DST: variants seen among roughly 807,000 people sequenced by gnomAD.
DST encodes bullous pemphigoid antigen.
Under a neutral mutation model 875.2 loss-of-function variants are expected in DST, and 253 were observed. The observed-to-expected ratio is 0.29, with a 90% confidence interval of 0.26 to 0.32. The LOEUF is 0.32. Among genes scored for constraint, DST ranks in the 10% least tolerant of loss-of-function variants. The pLI is 1.00. For synonymous variants in DST, 3,124 were observed against 3,197.1 expected, an observed-to-expected ratio of 0.98 and a Z score of 0.77; for missense variants, 8,287 against 9,111.6, an observed-to-expected ratio of 0.91 and a Z score of 3.68.
At chr6:56,492,186 TTTA>T (rs777032863) in intron 85 of DST, 38 bp downstream of exon 85, 9 of 1,541,242 alleles carry the variant, frequency 5.8e-6, no homozygotes, top group East Asian at 4.5e-5. Flanking sequence ...CAAGAAGTGG[TTTA>T]TTGACAAGTT....
intron 36 of DST, chr6:56,619,368 G>A: frequency 1.9e-6 from 3 of 1,613,464 alleles, no homozygotes; most frequent in Non-Finnish European, 2.5e-6. Flanking sequence ...TTGAGCCTTT[G>A]GATTTTATCA....
intron 13 of DST, 21 bp from the exon 14 acceptor site, chr6:56,646,203 A>T: frequency 2.3e-6 from 3 of 1,318,316 alleles, no homozygotes; most frequent in Non-Finnish European, 3.1e-6. Flanking sequence ...AAGGACAAGA[A>T]ATTAAGGACC....
At chr6:56,893,527 G>A (rs1302302127) in intron 3 of DST, among the ~76,000 whole-genome samples, 1 of 131,532 alleles carries the variant, frequency 7.6e-6, no homozygotes, top group East Asian at 2.2e-4. Flanking sequence ...CCAGTAGTGG[G>A]ATTGCTGGAT....
rs183052693 is a variant in DST, at chr6:56,536,834, C to T, written c.16715G>A (p.Gly5572Asp). The part of the protein sequence containing the change: ...QSAAKSTSTQ[G>D]LEHDLDDVNA... ...GACATCATCCAGGTCATGCTCCAAGCCCTGAGTGCTAGTGCTTTTGGCAGC... is the reference window on the plus strand; with the variant it reads ...GACATCATCCAGGTCATGCTCCAAGTCCTGAGTGCTAGTGCTTTTGGCAGC... Residue 5572 changes from glycine (G) to aspartate (D), a missense_variant, in exon 62 of 104, where the codon GGC becomes GAC. Around this residue, in one of 10 missense-constraint regions of DST, gnomAD observed 777 missense variants for 764.8 expected, o/e 1.02. Coordinates refer to ENST00000680361, the MANE Select transcript of DST (RefSeq NM_001374736.1). 2 of 1,611,760 alleles carry T rather than the reference C, an allele frequency of 1.2e-6. No homozygotes were observed. Among genetic ancestry groups the T allele is most frequent in the Admixed American group, 1.7e-5 (1 of 59,812 alleles).
chr6:56,608,546 G>A lies in DST; in HGVS notation c.6082C>T (p.Gln2028Ter). The A allele has an allele frequency of 6.2e-7, 1 of 1,613,466 alleles. No individual in the cohort carries two copies. The highest frequency in any genetic ancestry group is 2.2e-5 in the East Asian group (1 of 44,824). ...TGGATGATTCCACCAGTTTGAACCTGATATGTGAGGATACTGCTAGCAGTG... is the reference window on the plus strand; with the variant it reads ...TGGATGATTCCACCAGTTTGAACCTAATATGTGAGGATACTGCTAGCAGTG... Reference protein sequence around the residue: ...RDTASSILTYQVQTGGIIQSN... With the variant: ...RDTASSILTY The change falls in exon 40 of 104, where the codon CAG becomes TAG. Residue 2028 changes from glutamine (Q) to a stop codon, truncating the protein, a stop_gained. Coordinates refer to ENST00000680361, the MANE Select transcript of DST (RefSeq NM_001374736.1). LOFTEE classifies it high-confidence loss of function.
At chr6:56,541,049 C>T (rs965721215) in intron 61 of DST, 2 of 152,634 alleles carry the variant, frequency 1.3e-5, no homozygotes, top group African/African-American at 4.8e-5. Flanking sequence ...ATTAGTACCC[C>T]ATCTGCACTT....
At position 56,572,846 on chromosome 6, in the gene DST, G is replaced by A; in HGVS notation, c.13455C>T (p.Leu4485=). ...CTAAAAATGTCTGGAGCTTTTCTGA[G>A]AGGTTCTCAAACAGTTCTACTTTGG... The part of the protein sequence containing the change: ...LKTKVELFEN[L]SEKLQTFLET... Residue 4485 remains leucine, a synonymous_variant, in exon 52 of 104, where the codon CTC becomes CTT. Transcript: ENST00000680361. The A allele has an allele frequency of 1.2e-6, 2 of 1,612,772 alleles. No homozygotes were observed. Among genetic ancestry groups the A allele is most frequent in the Non-Finnish European group, 1.7e-6 (2 of 1,179,524 alleles).
chr6:56,801,574 T>A (rs1162063015), intron 4 of DST, among the ~76,000 whole-genome samples: 1 of 152,040 alleles, frequency 6.6e-6, no homozygotes, highest in Non-Finnish European at 1.5e-5. Context: ...CCGCCAAATA[T>A]GTAACTTCAT....
chr6:56,530,282 A>G, intron 64 of DST, 149 bp from the exon 65 acceptor site: 1 of 567,136 alleles, frequency 1.8e-6, no homozygotes, highest in Non-Finnish European at 2.7e-6. Flanking sequence ...TTTAAAGAAC[A>G]TATTAAAACA....
intron 4 of DST, among the ~76,000 whole-genome samples, chr6:56,827,343 G>A (rs149670052): frequency 0.017 from 2,574 of 151,848 alleles, 37 homozygotes; most frequent in Non-Finnish European, 0.028. Flanking sequence ...GTGAAACCCC[G>A]TCTCTACTAA....
chr6:56,515,360 T>C (rs2096568730), intron 72 of DST, 90 bp downstream of exon 72: 15 of 1,407,740 alleles, frequency 1.1e-5, no homozygotes, highest in Non-Finnish European at 1.5e-5. Context: ...GCCTTAATCA[T>C]GTAAGTGTTT....
chr6:56,735,177 A>G, intron 5 of DST, 51 bp downstream of exon 5: 1 of 1,255,934 alleles, frequency 8.0e-7, no homozygotes. Flanking sequence ...ACTGCAAAAT[A>G]AACTGAAATA....
chr6:56,867,148 C>G (rs763877558), intron 3 of DST, among the ~76,000 whole-genome samples: 2 of 152,192 alleles, frequency 1.3e-5, no homozygotes, highest in African/African-American at 2.4e-5. Flanking sequence ...TGCAGTCTGG[C>G]AGAGCTCTGT....
intron 6 of DST, 71 bp from the exon 7 acceptor site, chr6:56,703,817 T>C (rs1199959159): frequency 2.3e-6 from 1 of 432,414 alleles, no homozygotes; most frequent in African/African-American, 2.3e-5. Flanking sequence ...AAGAAGAGCA[T>C]GAACAGAACA....
At chr6:56,547,102 A>G (rs1005289766) in intron 61 of DST, among the ~76,000 whole-genome samples, 1 of 152,220 alleles carries the variant, frequency 6.6e-6, no homozygotes, top group Non-Finnish European at 1.5e-5. Flanking sequence ...AGCAAAACTG[A>G]AAAGAGAACA....
intron 2 of DST, among the ~76,000 whole-genome samples, chr6:56,935,602 C>A (rs532596539): frequency 6.2e-4 from 95 of 152,182 alleles, no homozygotes; most frequent in African/African-American, 2.0e-3. Context: ...ATTTTATGTA[C>A]AGAAGTTGGA....
rs138162782 is a variant in DST at position 56,639,273 on chromosome 6, G to A, written c.2950C>T (p.Arg984Trp). The change falls in exon 22 of 104, where the codon CGG (arginine) becomes TGG (tryptophan). Residue 984 changes from arginine (R) to tryptophan (W), a missense_variant. Arg to Trp is a moderately radical substitution (Grantham distance 101). This residue lies in a region of DST where 1,160 missense variants were observed against 1,424.3 expected (regional missense o/e 0.81). Coordinates refer to ENST00000680361, the MANE Select transcript of DST (RefSeq NM_001374736.1). Reference protein sequence around the residue: ...EQLLLENHPARLTIEAYRAAM... With the variant: ...EQLLLENHPAWLTIEAYRAAM... ...TCCAGCTTTACCTCAATAGTTAACC[G>A]GGCTGGATGATTTTCTAGAAGTAGC... 2.0e-4 allele frequency: 327 copies of A among 1,613,022 alleles called. No homozygotes were observed. Among genetic ancestry groups the A allele is most frequent in the Non-Finnish European group, 2.3e-4 (270 of 1,179,198 alleles).
intron 2 of DST, among the ~76,000 whole-genome samples, chr6:56,948,105 C>A (rs1820605268): frequency 6.6e-6 from 1 of 152,192 alleles, no homozygotes; most frequent in Non-Finnish European, 1.5e-5. Context: ...GTGGCCATAA[C>A]TTTTACAGTT....
intron 64 of DST, 26 bp downstream of exon 64, chr6:56,532,318 A>G (rs1456974354): frequency 1.2e-6 from 2 of 1,609,586 alleles, no homozygotes; most frequent in Admixed American, 1.7e-5. Flanking sequence ...CTACTCTTTC[A>G]AAAGAACTGG....
Sources: allele counts gnomAD v4.1 joint callset (sites outside exome capture counted in the v4.1 genomes callset), GRCh38; gene constraint gnomAD v4.1.1; regional missense constraint gnomAD v4.1.1; transcripts MANE v1.5; gene names NCBI Gene and HGNC (gene_info 2026-07-23, HGNC 2026-07-21).